FN1: variants seen among roughly 807,000 people sequenced by gnomAD.
FN1 encodes fibronectin.
A neutral mutation model predicts 297.3 loss-of-function variants in FN1; 106 were observed. That is an observed-to-expected ratio of 0.36 (90% CI 0.30 to 0.42). FN1 has a LOEUF of 0.42. Among genes scored for constraint, FN1 ranks in the 10% least tolerant of loss-of-function variants. The probability of loss-of-function intolerance (pLI) is 1.00; values close to 1 mark genes in which losing one functional copy is unlikely to be tolerated. For missense variants in FN1, 2,690 were observed against 3,124.9 expected (o/e 0.86, Z 3.32); for synonymous variants, 1,149 against 1,152.6 (o/e 1.00, Z 0.06).
Position 215,361,574 on chromosome 2 carries a change from C to G in FN1, c.7415G>C (p.Arg2472Thr). ...CFMPLDVQAD[R>T]EDSRE ...GATGATTTACTCTCGGGAATCTTCT[C>G]TGTCAGCCTGTACATCTAAAGGCAT... The change falls in exon 46 of 46, where the codon AGA becomes ACA. Residue 2472 changes from arginine (R) to threonine (T), a missense_variant. Arg to Thr is a moderately conservative substitution (Grantham distance 71, BLOSUM62 -1). Around this residue, in one of 3 missense-constraint regions of FN1, gnomAD observed 1,743 missense variants for 1,945.2 expected, o/e 0.90. Coordinates refer to ENST00000354785, the MANE Select transcript of FN1 (RefSeq NM_212482.4). 9 of 1,610,670 alleles carry G rather than the reference C, an allele frequency of 5.6e-6. No homozygotes were observed. Among genetic ancestry groups the G allele is most frequent in the Non-Finnish European group, 7.6e-6 (9 of 1,176,974 alleles).
At chr2:215,401,257 A>G (rs1430330905) in intron 20 of FN1, among the ~76,000 whole-genome samples, 854 of 31,472 alleles carry the variant, frequency 0.027, 47 homozygotes, top group African/African-American at 0.035. Flanking sequence ...AAAGGAAGAA[A>G]GAAAGGAAGG....
chr2:215,401,287 A>AG (rs1336825540), intron 20 of FN1, among the ~76,000 whole-genome samples: 29 of 94,616 alleles, frequency 3.1e-4, no homozygotes, highest in Admixed American at 9.2e-4. Flanking sequence ...GAAAGGAAGA[A>AG]AAGAGAGAGA....
chr2:215,376,764 A>G, intron 35 of FN1, 90 bp from the exon 36 acceptor site: 1 of 1,118,680 alleles, frequency 8.9e-7, no homozygotes. Context: ...GTATATATCA[A>G]ATTCATCCAT....
chr2:215,410,089 T>G lies in FN1; in HGVS notation c.1967A>C (p.Glu656Ala), dbSNP rs563003846. Residue 656 changes from glutamate (E) to alanine (A), a missense_variant, in exon 14 of 46, where the codon GAA becomes GCA. This residue lies in a region of FN1 where 876 missense variants were observed against 1,058.1 expected (regional missense o/e 0.83). Coordinates refer to ENST00000354785, the MANE Select transcript of FN1 (RefSeq NM_212482.4). ...GTTTAAGTGGCCTGGTATGGTAGCT[T>G]CCTTCCAACGGCCTACAGAATTTTT... The part of the protein sequence containing the change: ...RPKNSVGRWK[E>A]ATIPGHLNSY... 2.5e-6 allele frequency: 4 copies of G among 1,613,428 alleles called. No individual in the cohort carries two copies. The African/African-American group carries it at 5.3e-5, about 22-fold the overall frequency.
Position 215,370,540 on chromosome 2 carries a change from C to CAAAAAAAAAAAAAA in FN1, c.6715-109_6715-108insTTTTTTTTTTTTTT, listed in dbSNP as rs377315833. On this transcript the variant is annotated intron_variant, in intron 40 of 45. Coordinates refer to ENST00000354785, the MANE Select transcript of FN1 (RefSeq NM_212482.4). Reference sequence around the variant, plus strand: ...ACTGTTTAAACAAAGCAAAGGAAGACAAAAAACAAAAAACAAAAAAAAAAA... The same window carrying CAAAAAAAAAAAAAA: ...ACTGTTTAAACAAAGCAAAGGAAGACAAAAAAAAAAAAAAAAAAAACAAAAAACAAAAAAAAAAA... 167 of 304,894 alleles carry CAAAAAAAAAAAAAA rather than the reference C, an allele frequency of 5.5e-4. 8 individuals are homozygous for CAAAAAAAAAAAAAA. In the African/African-American group the frequency reaches 5.6e-3, roughly 10 times the overall value. 18.9% of individuals were successfully genotyped at this position (304,894 alleles called of 1,614,324 possible).
At chr2:215,383,255 G>T in intron 31 of FN1, 73 bp downstream of exon 31, 1 of 1,441,200 alleles carries the variant, frequency 6.9e-7, no homozygotes, top group Non-Finnish European at 9.8e-7. Context: ...TGATCTGCCC[G>T]CATCAGCCTC....
At position 215,372,167 on chromosome 2, in the gene FN1, T is replaced by C. The variant is rs1378510951; in HGVS notation, c.6456A>G (p.Thr2152=). ...TTATGGGGGTGGCCGTTGTGGGCGG[T>C]GTGGTCCGCCTAAAACCATGTTCCT... The part of the protein sequence containing the change: ...IFEEHGFRRT[T]PPTTATPIRH... Residue 2152 remains threonine, a synonymous_variant, in exon 40 of 46, where the codon ACA becomes ACG. Coordinates refer to ENST00000354785, the MANE Select transcript of FN1 (RefSeq NM_212482.4). 1.2e-6 allele frequency: 2 copies of C among 1,614,142 alleles called. No homozygotes were observed. The highest frequency in any genetic ancestry group is 1.7e-6 in the Non-Finnish European group (2 of 1,180,012).
At chr2:215,388,660 T>C (rs752651521) in intron 26 of FN1, among the ~76,000 whole-genome samples, 1 of 152,210 alleles carries the variant, frequency 6.6e-6, no homozygotes, top group African/African-American at 2.4e-5. Context: ...GTGCTGTGGA[T>C]TGCCATTTAT....
At chr2:215,417,381 T>C (rs1228123543) in intron 12 of FN1, among the ~76,000 whole-genome samples, 1 of 152,224 alleles carries the variant, frequency 6.6e-6, no homozygotes, top group Non-Finnish European at 1.5e-5. Context: ...TTTCCAATAG[T>C]AGTGTCCTTG....
At chr2:215,395,348 G>A (rs2060188596) in intron 23 of FN1, among the ~76,000 whole-genome samples, 1 of 152,044 alleles carries the variant, frequency 6.6e-6, no homozygotes, top group Non-Finnish European at 1.5e-5. Context: ...GACCAGCCTG[G>A]CCAACACGGT....
chr2:215,424,819 A>T (rs1190945280), intron 7 of FN1, among the ~76,000 whole-genome samples: 1 of 152,248 alleles, frequency 6.6e-6, no homozygotes, highest in Non-Finnish European at 1.5e-5. Context: ...AATATAAAAC[A>T]TTGATGATTA....
rs1288393055 is a variant in FN1, at chr2:215,378,255, G to A, written c.5630C>T (p.Thr1877Ile). The A allele has an allele frequency of 1.2e-6, 2 of 1,606,902 alleles. No homozygotes were observed. The highest frequency in any genetic ancestry group is 3.3e-5 in the Admixed American group (2 of 60,002). The change falls in exon 35 of 46, where the codon ACC becomes ATC. Residue 1877 changes from threonine (T) to isoleucine (I), a missense_variant. Around this residue, in one of 3 missense-constraint regions of FN1, gnomAD observed 1,743 missense variants for 1,945.2 expected, o/e 0.90. Coordinates refer to ENST00000354785, the MANE Select transcript of FN1 (RefSeq NM_212482.4). ...SVVVSGLMVA[T>I]KYEVSVYALK... ...AGCATAGACACTCACTTCATATTTG[G>A]TGGCCACCTAGAGAAATAAGGGCAT...
chr2:215,425,586 T>C (rs1475183585), intron 6 of FN1, among the ~76,000 whole-genome samples: 3 of 152,158 alleles, frequency 2.0e-5, no homozygotes, highest in Non-Finnish European at 4.4e-5. Context: ...GGGGTCTCAC[T>C]CTGTTGCCCA....
intron 6 of FN1, among the ~76,000 whole-genome samples, chr2:215,426,155 T>C (rs1193160866): frequency 1.2e-5 from 1 of 83,500 alleles, no homozygotes; most frequent in African/African-American, 4.8e-5. Context: ...TTTTTTTTTT[T>C]TTTTTTTTTT....
intron 33 of FN1, 179 bp from the exon 34 acceptor site, chr2:215,379,496 T>G: frequency 1.6e-6 from 1 of 607,174 alleles, no homozygotes. Context: ...AGAAAGTGTT[T>G]GCTGAGAAAT....
chr2:215,362,291 C>CTA (rs1430968176), intron 44 of FN1: 1 of 566,636 alleles, frequency 1.8e-6, no homozygotes, highest in Non-Finnish European at 3.2e-6. Context: ...ATCTGTCTCT[C>CTA]TATGTTGTTT....
In FN1 at chr2:215,385,248, TA is replaced by T. The variant is rs10542238; in HGVS notation, c.4613-273del. ...AAAAATTTCAAAACTACAGAAAAGT[TA>T]AAAAAAAAAAAAAAAAAAAAAGTGA... On this transcript the variant is annotated intron_variant, in intron 28 of 45. Transcript: ENST00000354785. Among the ~76,000 whole-genome samples, 11,138 of 127,828 alleles carry T rather than the reference TA, an allele frequency of 0.087. 756 individuals are homozygous for T. The highest frequency in any genetic ancestry group is 0.2 in the African/African-American group (6,811 of 33,500). 83.9% of individuals were successfully genotyped at this position (127,828 alleles called of 152,430 possible).
At chr2:215,380,581 T>C (rs534139575) in intron 33 of FN1, 4 of 587,036 alleles carry the variant, frequency 6.8e-6, no homozygotes, top group East Asian at 5.8e-5. Flanking sequence ...TCTTGCTTTA[T>C]GGTCTTGTGT....
chr2:215,424,342 A>T lies in FN1; in HGVS notation c.1037-17T>A, dbSNP rs1274355156. On this transcript the variant is annotated splice_polypyrimidine_tract_variant and intron_variant, in intron 7 of 45. Coordinates refer to ENST00000354785, the MANE Select transcript of FN1 (RefSeq NM_212482.4). ...GGGTTACAGCTACAATCATAATCAA[A>T]AGAGTGTCAGTAAACAGAGATGCTT... The T allele has an allele frequency of 6.2e-7, 1 of 1,609,062 alleles. No individual in the cohort carries two copies. Among genetic ancestry groups the T allele is most frequent in the East Asian group, 2.2e-5 (1 of 44,826 alleles).
Sources: gnomAD v4.1 joint callset for allele counts (sites outside exome capture counted in the v4.1 genomes callset) on GRCh38, gnomAD v4.1.1 for gene constraint, gnomAD v4.1.1 regional missense constraint, MANE v1.5 for transcripts, NCBI Gene and HGNC (gene_info 2026-07-23, HGNC 2026-07-21) for gene names.